The following DENND2B variants were observed in gnomAD, a reference collection of about 807,000 sequenced individuals.
The protein encoded by DENND2B is DENN domain containing 2B, also known as DENN domain-containing protein 2B.
In DENND2B, 32 loss-of-function variants were observed where a neutral mutation model predicts 116.0. The ratio of observed to expected loss-of-function variants is 0.28; its 90% CI spans 0.21 to 0.37. The LOEUF is 0.37. Ranked by LOEUF, DENND2B falls within the 10% of genes least tolerant of loss-of-function variation. The probability of loss-of-function intolerance (pLI) is 1.00; values close to 1 mark genes in which losing one functional copy is unlikely to be tolerated. For synonymous variants in DENND2B, 588 were observed against 583.9 expected, an observed-to-expected ratio of 1.01 and a Z score of -0.10; for missense variants, 1,276 against 1,477.7, an observed-to-expected ratio of 0.86 and a Z score of 2.24.
chr11:8,900,857 T>A (rs1364185677), intron 1 of DENND2B, among the ~76,000 whole-genome samples: 2 of 151,978 alleles, frequency 1.3e-5, no homozygotes, highest in African/African-American at 4.8e-5. Flanking sequence ...TAACCCCAGC[T>A]ACTTGAGCAG....
intron 11 of DENND2B, among the ~76,000 whole-genome samples, chr11:8,710,433 G>A (rs1452394838): frequency 1.3e-5 from 2 of 152,098 alleles, no homozygotes; most frequent in African/African-American, 4.8e-5. Flanking sequence ...TGGGGGTGAG[G>A]AAGGTTGTCC....
chr11:8,790,548 C>T (rs1432925860), intron 1 of DENND2B, among the ~76,000 whole-genome samples: 5 of 152,152 alleles, frequency 3.3e-5, no homozygotes, highest in Non-Finnish European at 4.4e-5. Flanking sequence ...GTAAGAGGAT[C>T]ACTTGAGCCC....
At chr11:8,854,136 G>C (rs960248533) in intron 3 of DENND2B, among the ~76,000 whole-genome samples, 1 of 144,522 alleles carries the variant, frequency 6.9e-6, no homozygotes, top group African/African-American at 2.6e-5. Flanking sequence ...CAAAGTGCTG[G>C]GATTACAGGT....
chr11:8,792,658 C>A (rs1030569477), intron 1 of DENND2B, among the ~76,000 whole-genome samples: 4 of 152,170 alleles, frequency 2.6e-5, no homozygotes, highest in Non-Finnish European at 5.9e-5. Context: ...AATCAACTAC[C>A]AGAAAGATAA....
chr11:8,855,051 GA>G (rs66766783), intron 3 of DENND2B, among the ~76,000 whole-genome samples: 82,987 of 151,808 alleles, frequency 0.55, 22,860 homozygotes, highest in Middle Eastern at 0.73. Flanking sequence ...GGCTGAGGTG[GA>G]AAAGATCACT....
chr11:8,846,939 G>A (rs1168514401), intron 3 of DENND2B, among the ~76,000 whole-genome samples: 1 of 152,196 alleles, frequency 6.6e-6, no homozygotes. Context: ...ATGCTTTACT[G>A]TGCGGGACAC....
intron 3 of DENND2B, among the ~76,000 whole-genome samples, chr11:8,844,588 A>T (rs993106655): frequency 6.6e-6 from 1 of 152,006 alleles, no homozygotes; most frequent in Non-Finnish European, 1.5e-5. Context: ...CGTTTTCAGA[A>T]TTTTATCCTA....
At position 8,714,053 on chromosome 11, in the gene DENND2B, A is replaced by G; in HGVS notation, c.1943-11T>C. 1 of 1,613,922 alleles carries G rather than the reference A, an allele frequency of 6.2e-7. No individual in the cohort carries two copies. The highest frequency in any genetic ancestry group is 8.5e-7 in the Non-Finnish European group (1 of 1,179,964). On this transcript the variant is annotated splice_polypyrimidine_tract_variant and intron_variant, in intron 7 of 19. Coordinates refer to ENST00000313726, the MANE Select transcript of DENND2B (RefSeq NM_213618.2). ...TCTCACTGTTTTCATCTGGAAAAGG[A>G]ACAGCAGAGTACATACTTGCTGGAC...
At chr11:8,734,154 T>A (rs2048571811) in intron 2 of DENND2B, among the ~76,000 whole-genome samples, 1 of 152,204 alleles carries the variant, frequency 6.6e-6, no homozygotes, top group Non-Finnish European at 1.5e-5. Context: ...GAGGGTAGAA[T>A]TCTCTGTTAT....
At chr11:8,836,479 T>C (rs2062432407) in intron 4 of DENND2B, among the ~76,000 whole-genome samples, 1 of 141,654 alleles carries the variant, frequency 7.1e-6, no homozygotes, top group African/African-American at 2.6e-5. Flanking sequence ...TGGAGTGCAG[T>C]GGTGCAATCT....
At chr11:8,884,927 A>T (rs762024091) in intron 1 of DENND2B, among the ~76,000 whole-genome samples, 1 of 152,232 alleles carries the variant, frequency 6.6e-6, no homozygotes, top group Non-Finnish European at 1.5e-5. Context: ...GGAAAGGAAG[A>T]TGGGAAGAGA....
Position 8,696,575 on chromosome 11 carries a change from ACT to A in DENND2B, c.3142_3143del (p.Ser1048Ter), listed in dbSNP as rs1565613289. The A allele has an allele frequency of 1.9e-6, 3 of 1,614,112 alleles. No homozygotes were observed. The highest frequency in any genetic ancestry group is 1.7e-5 in the Admixed American group (1 of 60,012). ...GCTGAAAGGCCCTCTCTCCCTTCTC[ACT>A]CTGTGTCAGAAAGAGGGAGTAGTGC... The part of the protein sequence containing the change: ...VGHYSLFLTQ[S>X]EKGERAFQRE... On this transcript the variant is annotated frameshift_variant, in exon 18 of 20. Coordinates refer to ENST00000313726, the MANE Select transcript of DENND2B (RefSeq NM_213618.2). LOFTEE classifies it high-confidence loss of function.
At chr11:8,845,743 A>G (rs1018087287) in intron 3 of DENND2B, among the ~76,000 whole-genome samples, 2 of 152,232 alleles carry the variant, frequency 1.3e-5, no homozygotes, top group Admixed American at 1.3e-4. Context: ...AAAGTCAAGG[A>G]TCTAGAAAAT....
chr11:8,730,254 C>A lies in DENND2B; in HGVS notation c.1036G>T (p.Gly346Trp). 1 of 1,611,574 alleles carries A rather than the reference C, an allele frequency of 6.2e-7. No homozygotes were observed. The change falls in exon 3 of 20, where the codon GGG becomes TGG. Residue 346 changes from glycine to tryptophan, a missense_variant. By Grantham distance (184) the Gly-to-Trp change is radical. Coordinates refer to ENST00000313726, the MANE Select transcript of DENND2B (RefSeq NM_213618.2). This position sits in a 1 kb window ranked among gnomAD's most constrained non-coding sequence, Gnocchi z 4.1. ...CTCTCTGGGGGTGGGCCCGCCTCCC[C>A]CGCAACACCAGCCACTCCGACTGCC... ...SRAVGVAGVA[G>W]EAGPPPEREG...
intron 1 of DENND2B, among the ~76,000 whole-genome samples, chr11:8,904,455 A>T (rs1441607925): frequency 6.6e-6 from 1 of 152,184 alleles, no homozygotes; most frequent in Non-Finnish European, 1.5e-5. Context: ...AGTATCTACA[A>T]AAAAACAAAT....
intron 1 of DENND2B, among the ~76,000 whole-genome samples, chr11:8,888,804 C>A (rs2134739279): frequency 6.6e-6 from 1 of 152,166 alleles, no homozygotes; most frequent in African/African-American, 2.4e-5. Context: ...CAGCCAATAA[C>A]AATATGAAAA....
intron 1 of DENND2B, among the ~76,000 whole-genome samples, chr11:8,759,091 A>G (rs1164536295): frequency 6.6e-6 from 1 of 152,142 alleles, no homozygotes; most frequent in Non-Finnish European, 1.5e-5. Flanking sequence ...ACCCGATCCC[A>G]TCACCTGATC....
intron 2 of DENND2B, among the ~76,000 whole-genome samples, chr11:8,745,616 C>G (rs78178266): frequency 0.017 from 2,635 of 152,300 alleles, 68 homozygotes; most frequent in African/African-American, 0.059. Context: ...TTCTCTTGAA[C>G]TTGGGCAGCC....
intron 4 of DENND2B, among the ~76,000 whole-genome samples, chr11:8,831,389 C>T (rs559408582): frequency 5.9e-5 from 9 of 152,314 alleles, no homozygotes; most frequent in Admixed American, 2.6e-4. Context: ...TCTGGCCACT[C>T]GGGAGCAAAT....
Sources: gnomAD v4.1 joint callset for allele counts (sites outside exome capture counted in the v4.1 genomes callset) on GRCh38, gnomAD v4.1.1 for gene constraint, Gnocchi (gnomAD v3.1) non-coding constraint, MANE v1.5 for transcripts, NCBI Gene and HGNC (gene_info 2026-07-23, HGNC 2026-07-21) for gene names.